The following MARCHF1 variants were observed in gnomAD, a reference collection of about 807,000 sequenced individuals.
MARCHF1 encodes the protein membrane associated ring-CH-type finger 1, also known as E3 ubiquitin-protein ligase MARCHF1.
Under a neutral mutation model 54.2 loss-of-function variants are expected in MARCHF1, and 40 were observed. That is an observed-to-expected ratio of 0.74 (90% confidence interval 0.57 to 0.96). The LOEUF is 0.96. MARCHF1 is among the 40% of genes least tolerant of loss of function. The pLI is 0.00. For missense variants in MARCHF1, 586 were observed against 656.5 expected (o/e 0.89, Z 1.17); for synonymous variants, 236 against 236.3 (o/e 1.00, Z 0.01).
intron 5 of MARCHF1, among the ~76,000 whole-genome samples, chr4:163,647,737 A>C (rs1457596334): frequency 6.6e-6 from 1 of 151,848 alleles, no homozygotes; most frequent in Non-Finnish European, 1.5e-5. Context: ...AACATACAAA[A>C]AACTATAGGA....
At chr4:164,005,753 A>G (rs1188789676) in intron 2 of MARCHF1, among the ~76,000 whole-genome samples, 1 of 152,186 alleles carries the variant, frequency 6.6e-6, no homozygotes, top group Admixed American at 6.6e-5. Context: ...TTAGTCAAAG[A>G]AGATGACAAA....
At chr4:164,023,699 G>A (rs1294693451) in intron 2 of MARCHF1, among the ~76,000 whole-genome samples, 1 of 152,114 alleles carries the variant, frequency 6.6e-6, no homozygotes, top group Non-Finnish European at 1.5e-5. Context: ...ACCTTCAAAT[G>A]AGCCCACTAG....
chr4:163,923,066 T>C lies in MARCHF1; in HGVS notation c.-39+65435A>G, dbSNP rs551252441. ...TCACAAGGCTTGAAAAAAGTCCTGT[T>C]GGAAAAAGTTGTTAAAATATGTGTT... On this transcript the variant is annotated intron_variant, in intron 3 of 9. Transcript: ENST00000514618. Among the ~76,000 whole-genome samples, 14 of 152,266 alleles carry C rather than the reference T, an allele frequency of 9.2e-5. No individual in the cohort carries two copies. In the South Asian group the frequency reaches 2.7e-3, roughly 29 times the overall value.
At chr4:163,889,217 G>A (rs776361058) in intron 3 of MARCHF1, among the ~76,000 whole-genome samples, 12 of 152,120 alleles carry the variant, frequency 7.9e-5, no homozygotes, top group Non-Finnish European at 1.6e-4. Context: ...CTATGCGCCA[G>A]GCACTGTATT....
chr4:164,377,959 A>G (rs940166386), intron 1 of MARCHF1, among the ~76,000 whole-genome samples: 1 of 152,184 alleles, frequency 6.6e-6, no homozygotes, highest in Non-Finnish European at 1.5e-5. Flanking sequence ...ATCACTGTAC[A>G]TCTATGTTTA....
chr4:164,072,062 T>A (rs941118130), intron 2 of MARCHF1, among the ~76,000 whole-genome samples: 4 of 152,000 alleles, frequency 2.6e-5, no homozygotes, highest in African/African-American at 9.7e-5. Flanking sequence ...ATAAAAGCAC[T>A]TGTGCTCAGC....
intron 1 of MARCHF1, among the ~76,000 whole-genome samples, chr4:164,184,682 C>T (rs990768790): frequency 6.6e-6 from 1 of 152,098 alleles, no homozygotes; most frequent in African/African-American, 2.4e-5. Flanking sequence ...GGTGGTATGG[C>T]CCGTCAAGTA....
intron 1 of MARCHF1, among the ~76,000 whole-genome samples, chr4:164,271,318 T>C (rs1302843776): frequency 6.6e-6 from 1 of 152,110 alleles, no homozygotes; most frequent in African/African-American, 2.4e-5. Context: ...TTCTTAAAAA[T>C]GGAGAACCTT....
At position 164,289,644 on chromosome 4, in the gene MARCHF1, G is replaced by A. The variant is rs116688535; in HGVS notation, c.-323+94226C>T. Among the ~76,000 whole-genome samples the A allele has an allele frequency of 3.9e-3, 591 of 150,110 alleles. 4 individuals carry two copies. Among genetic ancestry groups the A allele is most frequent in the African/African-American group, 0.013 (540 of 40,964 alleles). The stretch of plus-strand genomic sequence containing the variant: ...TCGTTCCCCAGATTTAAGCAACAGC[G>A]GTTATACTTGGCTGCTCCAGCAACC... On this transcript the variant is annotated intron_variant, in intron 1 of 9. Coordinates refer to ENST00000514618, the MANE Select transcript of MARCHF1 (RefSeq NM_001394959.1).
intron 4 of MARCHF1, among the ~76,000 whole-genome samples, chr4:163,703,290 A>G (rs921604470): frequency 6.6e-6 from 1 of 152,072 alleles, no homozygotes; most frequent in Admixed American, 6.6e-5. Flanking sequence ...TGATTCTGGC[A>G]CATAAAATTT....
At chr4:164,351,730 T>C (rs369227285) in intron 1 of MARCHF1, among the ~76,000 whole-genome samples, 3 of 152,060 alleles carry the variant, frequency 2.0e-5, no homozygotes, top group East Asian at 1.9e-4. Flanking sequence ...GAACGCAGTT[T>C]CTCACCAGCA....
In MARCHF1 at chr4:163,576,695, T is replaced by C. The variant is rs111325762; in HGVS notation, c.1191+9054A>G. Among the ~76,000 whole-genome samples the C allele has an allele frequency of 4.1e-4, 62 of 152,192 alleles. 1 individual carries two copies. Among genetic ancestry groups the C allele is most frequent in the African/African-American group, 1.4e-3 (60 of 41,546 alleles). Reference sequence around the variant, plus strand: ...GTGTGGCTAAGTCTTTTCTTAGATCTACAAGTACTTTTTTTATGAATCTGG... The same window carrying C: ...GTGTGGCTAAGTCTTTTCTTAGATCCACAAGTACTTTTTTTATGAATCTGG... On this transcript the variant is annotated intron_variant, in intron 8 of 9. Coordinates refer to ENST00000514618, the MANE Select transcript of MARCHF1 (RefSeq NM_001394959.1).
intron 1 of MARCHF1, among the ~76,000 whole-genome samples, chr4:164,332,533 C>A (rs1729569621): frequency 6.6e-6 from 1 of 152,096 alleles, no homozygotes; most frequent in South Asian, 2.1e-4. Context: ...GGGTTCTATG[C>A]CCTCTTGTGA....
chr4:163,957,519 C>A (rs1752254535), intron 3 of MARCHF1, among the ~76,000 whole-genome samples: 1 of 151,846 alleles, frequency 6.6e-6, no homozygotes, highest in South Asian at 2.1e-4. Flanking sequence ...GTGTTTTAGT[C>A]CCCAAAAAAG....
At chr4:163,634,689 G>A (rs1742246312) in intron 5 of MARCHF1, among the ~76,000 whole-genome samples, 1 of 151,532 alleles carries the variant, frequency 6.6e-6, no homozygotes, top group African/African-American at 2.4e-5. Context: ...ACAGATCAAC[G>A]AGAAAGAAAG....
chr4:164,302,745 T>C (rs914514920), intron 1 of MARCHF1, among the ~76,000 whole-genome samples: 8 of 151,812 alleles, frequency 5.3e-5, no homozygotes, highest in African/African-American at 1.9e-4. Flanking sequence ...GGCCCATGCC[T>C]GTAATCCCAG....
chr4:163,596,540 A>C, intron 7 of MARCHF1, among the ~76,000 whole-genome samples: 1 of 46,580 alleles, frequency 2.1e-5, no homozygotes, highest in African/African-American at 8.5e-5. Flanking sequence ...GCTGTCTCAA[A>C]AAAAAAAAAA....
At chr4:164,203,371 T>C (rs1410074429) in intron 1 of MARCHF1, among the ~76,000 whole-genome samples, 2 of 152,084 alleles carry the variant, frequency 1.3e-5, no homozygotes, top group Non-Finnish European at 2.9e-5. Flanking sequence ...CATTCTATTG[T>C]GGAGGATTGG....
chr4:164,206,550 A>G (rs997960770), intron 1 of MARCHF1, among the ~76,000 whole-genome samples: 1 of 152,176 alleles, frequency 6.6e-6, no homozygotes, highest in Non-Finnish European at 1.5e-5. Flanking sequence ...TTGTTCATTA[A>G]AACACAAATT....
Sources: gnomAD v4.1 joint callset for allele counts (sites outside exome capture counted in the v4.1 genomes callset) on GRCh38, gnomAD v4.1.1 for gene constraint, MANE v1.5 for transcripts, NCBI Gene and HGNC (gene_info 2026-07-23, HGNC 2026-07-21) for gene names.